LRRC18: variants seen among roughly 807,000 people sequenced by gnomAD.
LRRC18 encodes the protein leucine rich repeat containing 18, also known as leucine-rich repeat-containing protein 18.
A neutral mutation model predicts 11.2 loss-of-function variants in LRRC18; 12 were observed. The ratio of observed to expected loss-of-function variants is 1.07; its 90% confidence interval spans 0.69 to 1.74. The LOEUF (loss-of-function observed/expected upper bound fraction) is 1.74, where lower values mean the gene tolerates loss of function less well. LRRC18 is among the 40% of genes most tolerant of loss of function. The probability of loss-of-function intolerance (pLI) is 0.00; values close to 1 mark genes in which losing one functional copy is unlikely to be tolerated. For missense variants in LRRC18, 374 were observed against 330.5 expected (o/e 1.13, Z -1.02); for synonymous variants, 155 against 130.6 (o/e 1.19, Z -1.27).
Position 48,914,013 on chromosome 10 carries a change from C to T in LRRC18, c.143G>A (p.Arg48His), listed in dbSNP as rs375635260. The change falls in exon 1 of 2, where the codon CGC (arginine) becomes CAC (histidine). Residue 48 changes from arginine (R) to histidine (H), a missense_variant. Arg to His is a conservative substitution (Grantham distance 29, BLOSUM62 0). Transcript: ENST00000374160. ...GTCCAGCTCGTCCATGTCACTAAGGCGCAGAATACACTTGGGGAAGGTGGT... is the reference window on the plus strand; with the variant it reads ...GTCCAGCTCGTCCATGTCACTAAGGTGCAGAATACACTTGGGGAAGGTGGT... The T allele has an allele frequency of 7.6e-5, 123 of 1,614,162 alleles. No individual in the cohort carries two copies. The highest frequency in any genetic ancestry group is 6.5e-4 in the East Asian group (29 of 44,884).
the LRRC18 span, among the ~76,000 whole-genome samples, chr10:48,936,625 C>T: frequency 6.6e-6 from 1 of 151,818 alleles, no homozygotes; most frequent in Non-Finnish European, 1.5e-5. Flanking sequence ...ATCACAAGGT[C>T]TGGAGATCGA....
At chr10:48,931,394 C>T in the LRRC18 span, among the ~76,000 whole-genome samples, 1 of 152,182 alleles carries the variant, frequency 6.6e-6, no homozygotes, top group African/African-American at 2.4e-5. Context: ...CAGCCCAAGG[C>T]AGCCGTTCCT....
chr10:48,911,757 T>C (rs555290782), intron 1 of LRRC18, among the ~76,000 whole-genome samples: 1 of 152,300 alleles, frequency 6.6e-6, no homozygotes, highest in Non-Finnish European at 1.5e-5. Context: ...TAAGCTACTA[T>C]ATTTAGTAGT....
exon 2 of LRRC18, chr10:48,910,124 G>C: frequency 1.9e-6 from 2 of 1,028,858 alleles, no homozygotes; most frequent in East Asian, 4.8e-5. Flanking sequence ...CGGCGAGCCT[G>C]GTTTCCAGAA....
At chr10:48,913,184 A>G (rs1487748617) in intron 1 of LRRC18, among the ~76,000 whole-genome samples, 5 of 152,146 alleles carry the variant, frequency 3.3e-5, no homozygotes, top group African/African-American at 1.2e-4. Context: ...TGTGCAGAGG[A>G]CAGAGAAATG....
At chr10:48,919,361 C>T in the LRRC18 span, among the ~76,000 whole-genome samples, 6 of 152,054 alleles carry the variant, frequency 3.9e-5, no homozygotes, top group African/African-American at 1.2e-4. Context: ...CCAAATAGAC[C>T]TGTATTTATT....
chr10:48,914,293 G>T (rs1186509047), upstream of LRRC18: 2 of 896,614 alleles, frequency 2.2e-6, no homozygotes, highest in African/African-American at 1.7e-5. Flanking sequence ...GCTCCCCCAC[G>T]TCATGACGCT....
the LRRC18 span, among the ~76,000 whole-genome samples, chr10:48,920,457 G>A: frequency 6.6e-6 from 1 of 151,926 alleles, no homozygotes; most frequent in South Asian, 2.1e-4. Flanking sequence ...CATGGCACAT[G>A]TATACATATG....
the LRRC18 span, among the ~76,000 whole-genome samples, chr10:48,936,604 G>A: frequency 4.1e-5 from 5 of 121,958 alleles, no homozygotes; most frequent in South Asian, 3.0e-4. Context: ...TTCGGAGGCC[G>A]AAGAGGGTGG....
At chr10:48,933,301 A>G in the LRRC18 span, among the ~76,000 whole-genome samples, 1 of 152,170 alleles carries the variant, frequency 6.6e-6, no homozygotes, top group African/African-American at 2.4e-5. Flanking sequence ...CATGTGCATC[A>G]TCTCATTTAA....
the LRRC18 span, among the ~76,000 whole-genome samples, chr10:48,927,999 C>T: frequency 6.6e-6 from 1 of 152,196 alleles, no homozygotes; most frequent in Non-Finnish European, 1.5e-5. Context: ...AGTCAAAGAA[C>T]CAAAGGCAGA....
the LRRC18 span, among the ~76,000 whole-genome samples, chr10:48,937,342 AT>A: frequency 1.3e-5 from 2 of 152,180 alleles, no homozygotes; most frequent in African/African-American, 4.8e-5. Flanking sequence ...CATTTCATAC[AT>A]TTGGATGAAG....
the LRRC18 span, among the ~76,000 whole-genome samples, chr10:48,931,442 C>T: frequency 0.19 from 29,486 of 152,122 alleles, 3,214 homozygotes; most frequent in Non-Finnish European, 0.25. Context: ...GCCAGCCCAC[C>T]CTCAGCCAGC....
chr10:48,918,919 G>T (rs1464617788), upstream of LRRC18, among the ~76,000 whole-genome samples: 1 of 152,170 alleles, frequency 6.6e-6, no homozygotes, highest in East Asian at 1.9e-4. Flanking sequence ...GAGCAAAATT[G>T]CCTGGAGATG....
At chr10:48,916,167 A>C (rs1425320424), upstream of LRRC18, among the ~76,000 whole-genome samples, 1 of 152,212 alleles carries the variant, frequency 6.6e-6, no homozygotes, top group Non-Finnish European at 1.5e-5. Context: ...CAATCTGGCC[A>C]CAAGTTTCCT....
At chr10:48,925,461 G>A in the LRRC18 span, among the ~76,000 whole-genome samples, 21 of 152,320 alleles carry the variant, frequency 1.4e-4, no homozygotes, top group African/African-American at 5.1e-4. Context: ...CTTGTCCAAA[G>A]ATCATTCTGG....
chr10:48,915,541 C>T (rs1387563070), upstream of LRRC18, among the ~76,000 whole-genome samples: 1 of 152,128 alleles, frequency 6.6e-6, no homozygotes, highest in East Asian at 1.9e-4. Flanking sequence ...TTCTGTACTT[C>T]ATCACCTGTA....
upstream of LRRC18, among the ~76,000 whole-genome samples, chr10:48,916,610 C>A (rs368139630): frequency 6.6e-6 from 1 of 152,110 alleles, no homozygotes; most frequent in African/African-American, 2.4e-5. Flanking sequence ...CAAAATCCAG[C>A]CAGAAGACCA....
chr10:48,925,473 C>G, the LRRC18 span, among the ~76,000 whole-genome samples: 1 of 152,136 alleles, frequency 6.6e-6, no homozygotes, highest in African/African-American at 2.4e-5. Context: ...TCATTCTGGG[C>G]CCGAAATTGT....
Sources: allele counts gnomAD v4.1 joint callset (sites outside exome capture counted in the v4.1 genomes callset), GRCh38; gene constraint gnomAD v4.1.1; transcripts MANE v1.5; gene names NCBI Gene and HGNC (gene_info 2026-07-23, HGNC 2026-07-21).